Variants in CAPZB observed in about 807,000 individuals in gnomAD.
CAPZB encodes the protein F-actin-capping protein subunit beta.
Under a neutral mutation model 38.1 loss-of-function variants are expected in CAPZB, and 2 were observed. The observed-to-expected ratio is 0.05, with a 90% confidence interval of 0.02 to 0.17. The LOEUF is 0.17. CAPZB is among the 10% of genes least tolerant of loss of function. The pLI is 1.00. For synonymous variants in CAPZB, 107 were observed against 127.4 expected (o/e 0.84, Z 1.08); for missense variants, 161 against 334.2 (o/e 0.48, Z 4.04).
intron 2 of CAPZB, among the ~76,000 whole-genome samples, chr1:19,399,607 T>C (rs2094292159): frequency 1.3e-5 from 2 of 152,266 alleles, no homozygotes; most frequent in African/African-American, 4.8e-5. Context: ...GTCTCTGCAA[T>C]GGATGGTTCT....
At chr1:19,416,888 A>AAAAAAAAT (rs2094382242) in intron 2 of CAPZB, among the ~76,000 whole-genome samples, 2 of 144,032 alleles carry the variant, frequency 1.4e-5, no homozygotes, top group Non-Finnish European at 3.0e-5. Context: ...AAAAAAAAAA[A>AAAAAAAAT]GTATGCTCTG....
intron 1 of CAPZB, among the ~76,000 whole-genome samples, chr1:19,425,832 T>C (rs2094420455): frequency 6.6e-6 from 1 of 152,244 alleles, no homozygotes; most frequent in Non-Finnish European, 1.5e-5. Context: ...GGGCAAAGTC[T>C]GATTTGGAAA....
chr1:19,380,984 A>G (rs1157419175), intron 3 of CAPZB, among the ~76,000 whole-genome samples: 2 of 152,290 alleles, frequency 1.3e-5, no homozygotes, highest in East Asian at 3.9e-4. Flanking sequence ...CCTGGCCAAC[A>G]TGGTGAAACC....
chr1:19,430,668 C>G (rs1399445643), intron 1 of CAPZB, among the ~76,000 whole-genome samples: 2 of 152,154 alleles, frequency 1.3e-5, no homozygotes, highest in Non-Finnish European at 2.9e-5. Context: ...TACCCCTGCA[C>G]CCACCAACTT....
chr1:19,385,760 G>T, intron 2 of CAPZB, 134 bp from the exon 3 acceptor site: 1 of 1,004,294 alleles, frequency 1.0e-6, no homozygotes, highest in Non-Finnish European at 1.6e-6. Context: ...AAAATTATGG[G>T]CCTGTTCTTT....
chr1:19,417,003 G>A (rs1301144655), intron 2 of CAPZB, among the ~76,000 whole-genome samples: 1 of 151,988 alleles, frequency 6.6e-6, no homozygotes, highest in Non-Finnish European at 1.5e-5. Context: ...AGCCTCAGAG[G>A]TGATCTCTCT....
chr1:19,388,623 G>A (rs1466278101), intron 2 of CAPZB, among the ~76,000 whole-genome samples: 6 of 152,188 alleles, frequency 3.9e-5, no homozygotes, highest in Non-Finnish European at 7.3e-5. Flanking sequence ...AAAGAGAACC[G>A]GAGCTGTCAT....
At chr1:19,441,409 A>T (rs2094476022) in intron 1 of CAPZB, among the ~76,000 whole-genome samples, 1 of 152,218 alleles carries the variant, frequency 6.6e-6, no homozygotes, top group Non-Finnish European at 1.5e-5. Context: ...CCAGCCCAGC[A>T]CAGGGAAAGA....
intron 1 of CAPZB, among the ~76,000 whole-genome samples, chr1:19,474,629 G>C (rs1192743895): frequency 6.6e-6 from 1 of 152,148 alleles, no homozygotes; most frequent in Non-Finnish European, 1.5e-5. Flanking sequence ...GTAAGTACGG[G>C]GCAGTTTACC....
intron 2 of CAPZB, among the ~76,000 whole-genome samples, chr1:19,405,516 T>C (rs1394391566): frequency 1.5e-5 from 2 of 137,572 alleles, no homozygotes; most frequent in African/African-American, 2.8e-5. Context: ...TCCCAACTGA[T>C]GTTCAACACA....
intron 1 of CAPZB, among the ~76,000 whole-genome samples, chr1:19,441,498 G>C (rs2100640019): frequency 6.6e-6 from 1 of 152,216 alleles, no homozygotes; most frequent in Admixed American, 6.5e-5. Flanking sequence ...CACTCATTCA[G>C]CTTCATTTAC....
chr1:19,422,416 A>G (rs1253393885), intron 1 of CAPZB, among the ~76,000 whole-genome samples: 1 of 152,158 alleles, frequency 6.6e-6, no homozygotes, highest in African/African-American at 2.4e-5. Flanking sequence ...GATTGACAAT[A>G]AAGTCCCCCT....
At chr1:19,343,530 C>T (rs1229087220) in intron 8 of CAPZB, among the ~76,000 whole-genome samples, 1 of 152,230 alleles carries the variant, frequency 6.6e-6, no homozygotes, top group African/African-American at 2.4e-5. Flanking sequence ...CGTGCCTCCT[C>T]GACTGGACAA....
chr1:19,469,662 C>T (rs1367713587), intron 1 of CAPZB, among the ~76,000 whole-genome samples: 1 of 150,656 alleles, frequency 6.6e-6, no homozygotes, highest in African/African-American at 2.4e-5. Context: ...CAAGAAGGTG[C>T]AGAGAGAAAA....
At chr1:19,447,140 TCTTTC>T (rs2094498769) in intron 1 of CAPZB, among the ~76,000 whole-genome samples, 1 of 152,162 alleles carries the variant, frequency 6.6e-6, no homozygotes. Flanking sequence ...GCAAGCTCTC[TCTTTC>T]TTCTATCATC....
At chr1:19,399,094 G>C (rs1346437629) in intron 2 of CAPZB, among the ~76,000 whole-genome samples, 2 of 152,042 alleles carry the variant, frequency 1.3e-5, no homozygotes, top group African/African-American at 4.8e-5. Flanking sequence ...CTGGACTCAA[G>C]TGATCCGCCT....
chr1:19,399,103 C>T (rs1486249426), intron 2 of CAPZB, among the ~76,000 whole-genome samples: 2 of 152,080 alleles, frequency 1.3e-5, no homozygotes, highest in African/African-American at 2.4e-5. Context: ...AGTGATCCGC[C>T]TGTCTTGCCC....
intron 4 of CAPZB, among the ~76,000 whole-genome samples, chr1:19,362,382 G>A (rs554794962): frequency 6.2e-4 from 94 of 152,258 alleles, no homozygotes; most frequent in African/African-American, 2.2e-3. Flanking sequence ...GATTCCAGGG[G>A]TCTGCCAACA....
At chr1:19,432,571 G>A (rs1321504939) in intron 1 of CAPZB, among the ~76,000 whole-genome samples, 1 of 152,250 alleles carries the variant, frequency 6.6e-6, no homozygotes, top group East Asian at 1.9e-4. Flanking sequence ...CAAAAGGGAA[G>A]GAAACTAACA....
Sources: allele counts gnomAD v4.1 joint callset (sites outside exome capture counted in the v4.1 genomes callset), GRCh38; gene constraint gnomAD v4.1.1; transcripts MANE v1.5; gene names NCBI Gene and HGNC (gene_info 2026-07-23, HGNC 2026-07-21).